SHOC1: variants seen among roughly 807,000 people sequenced by gnomAD.
SHOC1 encodes the protein shortage in chiasmata 1, also known as protein shortage in chiasmata 1 ortholog.
SHOC1 carries 136 observed loss-of-function variants against 179.2 expected under a neutral mutation model. The ratio of observed to expected loss-of-function variants is 0.76; its 90% CI spans 0.66 to 0.87. The LOEUF is 0.87. Among genes scored for constraint, SHOC1 ranks in the 40% least tolerant of loss-of-function variants. The pLI, the probability that SHOC1 is intolerant of heterozygous loss-of-function variation, is 0.00. For synonymous variants in SHOC1, 489 were observed against 586.6 expected, an observed-to-expected ratio of 0.83 and a Z score of 2.41; for missense variants, 1,538 against 1,700.8, an observed-to-expected ratio of 0.90 and a Z score of 1.68.
intron 10 of SHOC1, among the ~76,000 whole-genome samples, chr9:111,745,334 G>A (rs1241341020): frequency 6.6e-6 from 1 of 152,164 alleles, no homozygotes; most frequent in African/African-American, 2.4e-5. Context: ...CTGAGGCACA[G>A]AACAATTAAG....
chr9:111,766,150 C>G (rs1460570024), intron 5 of SHOC1, among the ~76,000 whole-genome samples: 1 of 152,190 alleles, frequency 6.6e-6, no homozygotes, highest in African/African-American at 2.4e-5. Context: ...AGAACATACA[C>G]TATTTGTCTT....
rs1158418777 is a variant in SHOC1 at position 111,789,148 on chromosome 9, A to AAT, written c.45+2225_45+2226insAT. On this transcript the variant is annotated intron_variant, in intron 2 of 27. Transcript: ENST00000682961. ...GATAATTTCTTGCATTATTCTCAAG[A>AAT]CTTTAATGTTTGCTGAAGGTGTTAT... Among the ~76,000 whole-genome samples, 4 of 51,148 alleles carry AAT rather than the reference A, an allele frequency of 7.8e-5. No individual in the cohort carries two copies. The East Asian group carries it at 5.3e-3, about 68-fold the overall frequency. 33.6% of individuals were successfully genotyped at this position (51,148 alleles called of 152,430 possible).
chr9:111,694,215 C>A lies in SHOC1; in HGVS notation c.3315+16G>T. On this transcript the variant is annotated intron_variant, in intron 25 of 27. Coordinates refer to ENST00000682961, the MANE Select transcript of SHOC1 (RefSeq NM_001378211.1). ...TTGCTTTGCAATTATCTATTTTACA[C>A]ATTTAGAAAATATACCTCAGATGGT... 1 of 1,586,290 alleles carries A rather than the reference C, an allele frequency of 6.3e-7. No homozygotes were observed. Among genetic ancestry groups the A allele is most frequent in the South Asian group, 1.1e-5 (1 of 87,142 alleles).
At chr9:111,711,059 G>A (rs929726268) in intron 18 of SHOC1, among the ~76,000 whole-genome samples, 2 of 152,130 alleles carry the variant, frequency 1.3e-5, no homozygotes, top group Admixed American at 6.6e-5. Flanking sequence ...GGAAATAACT[G>A]ATGGAACAAA....
chr9:111,753,555 T>C (rs754597423), intron 8 of SHOC1, among the ~76,000 whole-genome samples: 5 of 152,190 alleles, frequency 3.3e-5, no homozygotes, highest in Non-Finnish European at 7.4e-5. Flanking sequence ...TTAAAAATCT[T>C]CAACAAAATA....
intron 19 of SHOC1, among the ~76,000 whole-genome samples, chr9:111,707,112 A>G (rs1832313537): frequency 6.6e-6 from 1 of 152,058 alleles, no homozygotes; most frequent in Non-Finnish European, 1.5e-5. Context: ...ATAATAGGAT[A>G]TTATCTGGCA....
chr9:111,728,639 T>G (rs1304518379), intron 12 of SHOC1, among the ~76,000 whole-genome samples: 1 of 152,166 alleles, frequency 6.6e-6, no homozygotes, highest in African/African-American at 2.4e-5. Context: ...GGCAAATCTA[T>G]AGAGAAAGAA....
chr9:111,755,374 C>T (rs1240381239), intron 8 of SHOC1, among the ~76,000 whole-genome samples: 1 of 152,114 alleles, frequency 6.6e-6, no homozygotes, highest in Non-Finnish European at 1.5e-5. Context: ...TAGTTTTAAT[C>T]GTAAGAATTC....
chr9:111,794,396 C>G (rs1360553005), intron 1 of SHOC1, among the ~76,000 whole-genome samples: 1 of 151,730 alleles, frequency 6.6e-6, no homozygotes, highest in East Asian at 2.0e-4. Flanking sequence ...CCAGCCGGGT[C>G]AACATGGCAA....
chr9:111,748,613 T>C (rs1289090934), intron 8 of SHOC1, among the ~76,000 whole-genome samples: 1 of 152,230 alleles, frequency 6.6e-6, no homozygotes, highest in Non-Finnish European at 1.5e-5. Flanking sequence ...ACTGCCACTT[T>C]GGCTTTCTTT....
Position 111,722,585 on chromosome 9 carries a change from T to C in SHOC1, c.1955A>G (p.Asp652Gly). Reference protein sequence around the residue: ...TDSVIEIQASDSQCQAFCLLE... With the variant: ...TDSVIEIQASGSQCQAFCLLE... ...GAGGCAAAATGCTTGGCACTGGCTATCTGCAAAAATAAAAGCATTAATGGC... is the reference window on the plus strand; with the variant it reads ...GAGGCAAAATGCTTGGCACTGGCTACCTGCAAAAATAAAAGCATTAATGGC... The change falls in exon 15 of 28, where the codon GAT becomes GGT. Residue 652 changes from aspartate to glycine, a missense_variant and splice_region_variant. By Grantham distance (94) the Asp-to-Gly change is moderately conservative. Coordinates refer to ENST00000682961, the MANE Select transcript of SHOC1 (RefSeq NM_001378211.1). The C allele has an allele frequency of 6.3e-7, 1 of 1,590,350 alleles. No individual in the cohort carries two copies. The highest frequency in any genetic ancestry group is 8.5e-7 in the Non-Finnish European group (1 of 1,174,790).
At chr9:111,706,547 G>C in intron 20 of SHOC1, 21 bp downstream of exon 20, 1 of 1,452,170 alleles carries the variant, frequency 6.9e-7, no homozygotes. Flanking sequence ...GCAAAAAAAG[G>C]ATTTTGGCTT....
At chr9:111,733,835 G>C (rs1257670682) in intron 12 of SHOC1, among the ~76,000 whole-genome samples, 1 of 151,212 alleles carries the variant, frequency 6.6e-6, no homozygotes, top group East Asian at 1.9e-4. Context: ...GCCAACCTGG[G>C]CAACAGAGCA....
At chr9:111,794,862 C>T (rs1288846019) in intron 1 of SHOC1, 38 bp downstream of exon 1, 1 of 152,474 alleles carries the variant, frequency 6.6e-6, no homozygotes, top group Non-Finnish European at 1.5e-5. Context: ...CCCTCAAAAT[C>T]ACCCTCTCTC....
At position 111,756,481 on chromosome 9, in the gene SHOC1, G is replaced by A. The variant is rs1564151551; in HGVS notation, c.709-3C>T. On this transcript the variant is annotated splice_region_variant and splice_polypyrimidine_tract_variant and intron_variant, in intron 7 of 27. Coordinates refer to ENST00000682961, the MANE Select transcript of SHOC1 (RefSeq NM_001378211.1). ...TACTCAATAAGAAAACTTGACGGCT[G>A]AAAAAACATAGTTTAAAAAAGTTTT... 2 of 1,584,932 alleles carry A rather than the reference G, an allele frequency of 1.3e-6. No individual in the cohort carries two copies. The highest frequency in any genetic ancestry group is 8.5e-7 in the Non-Finnish European group (1 of 1,172,554).
chr9:111,749,190 T>C (rs1834449113), intron 8 of SHOC1, among the ~76,000 whole-genome samples: 1 of 152,134 alleles, frequency 6.6e-6, no homozygotes, highest in Admixed American at 6.6e-5. Context: ...TTATGATGCA[T>C]CTTATAATCT....
intron 26 of SHOC1, among the ~76,000 whole-genome samples, chr9:111,693,421 CAAAAAAAAA>C (rs59200447): frequency 3.5e-5 from 3 of 85,826 alleles, no homozygotes; most frequent in African/African-American, 8.1e-5. Flanking sequence ...CCCGTTTCTA[CAAAAAAAAA>C]AAAAAAAAAA....
At chr9:111,691,516 T>G in intron 27 of SHOC1, 35 bp downstream of exon 27, 1 of 1,512,524 alleles carries the variant, frequency 6.6e-7, no homozygotes, top group Non-Finnish European at 8.9e-7. Context: ...AAATTAAATT[T>G]GAGAGTAGTT....
intron 9 of SHOC1, 65 bp from the exon 10 acceptor site, chr9:111,746,407 G>T: frequency 2.0e-6 from 2 of 990,576 alleles, no homozygotes; most frequent in Non-Finnish European, 3.1e-6. Context: ...AGGCGTGGTG[G>T]CTCACACCTG....
Sources: allele counts gnomAD v4.1 joint callset (sites outside exome capture counted in the v4.1 genomes callset), GRCh38; gene constraint gnomAD v4.1.1; transcripts MANE v1.5; gene names NCBI Gene and HGNC (gene_info 2026-07-23, HGNC 2026-07-21).